The following PLA1A variants were observed in gnomAD, a reference collection of about 807,000 sequenced individuals.
PLA1A encodes the protein phospholipase A1 member A.
A neutral mutation model predicts 49.4 loss-of-function variants in PLA1A; 47 were observed. That is an observed-to-expected ratio of 0.95 (90% CI 0.75 to 1.21). The LOEUF is 1.21. PLA1A is among the 50% of genes most tolerant of loss of function. The pLI, the probability that PLA1A is intolerant of heterozygous loss-of-function variation, is 0.00. For synonymous variants in PLA1A, 224 were observed against 207.9 expected, an observed-to-expected ratio of 1.08 and a Z score of -0.67; for missense variants, 561 against 563.9, an observed-to-expected ratio of 0.99 and a Z score of 0.05.
At chr3:119,622,149 GGAAGAAGAAGAA>G (rs59447645) in intron 8 of PLA1A, among the ~76,000 whole-genome samples, 4,996 of 126,120 alleles carry the variant, frequency 0.04, 143 homozygotes, top group Non-Finnish European at 0.05. Context: ...AGGAGGAGGA[GGAAGAAGAAGAA>G]GAAGAAGAAG....
intron 4 of PLA1A, among the ~76,000 whole-genome samples, chr3:119,612,327 T>G (rs2082777492): frequency 6.6e-6 from 1 of 152,206 alleles, no homozygotes; most frequent in African/African-American, 2.4e-5. Flanking sequence ...GTATTCACAG[T>G]AATCACTGTG....
rs190030747 is a variant in PLA1A, at chr3:119,617,480, C to T, written c.755-539C>T. On this transcript the variant is annotated intron_variant, in intron 6 of 10. Coordinates refer to ENST00000273371, the MANE Select transcript of PLA1A (RefSeq NM_015900.4). ...TCTCAAGGCCAGGTACGGTGGCTCA[C>T]ACCTGTAATCTCAGCACTCTCGGAG... Among the ~76,000 whole-genome samples, 974 of 152,108 alleles carry T rather than the reference C, an allele frequency of 6.4e-3. 28 individuals are homozygous for T. Among genetic ancestry groups the T allele is most frequent in the Non-Finnish European group, 3.5e-3 (241 of 67,992 alleles).
In PLA1A at chr3:119,604,671, T is replaced by G. The variant is rs372818352; in HGVS notation, c.74-2103T>G. 9.2e-5 allele frequency among the ~76,000 whole-genome samples: 14 copies of G among 152,296 alleles called. No individual in the cohort carries two copies. In the East Asian group the frequency reaches 2.1e-3, roughly 23 times the overall value. On this transcript the variant is annotated intron_variant, in intron 1 of 10. Coordinates refer to ENST00000273371, the MANE Select transcript of PLA1A (RefSeq NM_015900.4). ...ATACATGTATTTATTACCACTGAAC[T>G]GTACACTTAAAAAAGGTAAAGATGA...
intron 8 of PLA1A, among the ~76,000 whole-genome samples, chr3:119,622,103 A>AAGAAGAAGG (rs1553794013): frequency 0.13 from 19,307 of 147,330 alleles, 1,588 homozygotes; most frequent in East Asian, 0.34. Context: ...GAAGAAGAAG[A>AAGAAGAAGG]AGAAGGAGAA....
At chr3:119,615,167 G>A (rs760945373) in intron 5 of PLA1A, among the ~76,000 whole-genome samples, 1 of 152,214 alleles carries the variant, frequency 6.6e-6, no homozygotes, top group African/African-American at 2.4e-5. Flanking sequence ...ATGACAGAAG[G>A]AGAAAGTCGG....
At chr3:119,628,062 C>T (rs2052568783) in intron 9 of PLA1A, among the ~76,000 whole-genome samples, 1 of 152,208 alleles carries the variant, frequency 6.6e-6, no homozygotes, top group South Asian at 2.1e-4. Flanking sequence ...CATTTTCACT[C>T]TGAGTCTCCT....
intron 9 of PLA1A, among the ~76,000 whole-genome samples, chr3:119,625,770 G>T (rs867886317): frequency 1.3e-5 from 2 of 152,164 alleles, no homozygotes; most frequent in Non-Finnish European, 2.9e-5. Flanking sequence ...GAAACTGGGG[G>T]TAGTCATTCC....
intron 9 of PLA1A, among the ~76,000 whole-genome samples, 163 bp downstream of exon 9, chr3:119,625,395 A>G (rs567138878): frequency 1.3e-4 from 20 of 152,320 alleles, no homozygotes; most frequent in African/African-American, 3.6e-4. Flanking sequence ...CCACAGACAC[A>G]TGCTGAGGAG....
At chr3:119,624,828 A>G (rs2052491684) in intron 8 of PLA1A, among the ~76,000 whole-genome samples, 1 of 152,178 alleles carries the variant, frequency 6.6e-6, no homozygotes, top group Non-Finnish European at 1.5e-5. Flanking sequence ...ATGGGGTTTC[A>G]CCATGTTGGT....
At chr3:119,618,871 T>A (rs990895273) in intron 7 of PLA1A, among the ~76,000 whole-genome samples, 5 of 152,306 alleles carry the variant, frequency 3.3e-5, no homozygotes, top group Admixed American at 1.3e-4. Context: ...CAGCAGCCTG[T>A]CACTGCTTAT....
At chr3:119,612,983 G>A (rs763293554) in intron 4 of PLA1A, 34 bp from the exon 5 acceptor site, 346 of 1,371,044 alleles carry the variant, frequency 2.5e-4, no homozygotes, top group Non-Finnish European at 3.3e-4. Context: ...CAGCTGAGAG[G>A]AAAGAGGTCC....
chr3:119,612,147 C>A (rs2692615), intron 4 of PLA1A, among the ~76,000 whole-genome samples: 34,361 of 151,956 alleles, frequency 0.23, 4,737 homozygotes, highest in East Asian at 0.46. Flanking sequence ...GGGTGAGAGC[C>A]CATGGGGATA....
Position 119,625,201 on chromosome 3 carries a change from A to G in PLA1A, c.1090A>G (p.Ser364Gly). 1 of 1,612,456 alleles carries G rather than the reference A, an allele frequency of 6.2e-7. No homozygotes were observed. The highest frequency in any genetic ancestry group is 8.5e-7 in the Non-Finnish European group (1 of 1,178,474). Residue 364 changes from serine to glycine, a missense_variant, in exon 9 of 11, where the codon AGT becomes GGT. Transcript: ENST00000273371. ...DTNIEVTFLSSNITSSSKITI... is the reference protein window; with the variant it reads ...DTNIEVTFLSGNITSSSKITI... ...CAACATCGAGGTTACCTTCCTTAGC[A>G]GTAACATCACCTCTTCATCTAAGAT...
chr3:119,620,062 C>T (rs1306887510), intron 8 of PLA1A: 2 of 458,968 alleles, frequency 4.4e-6, no homozygotes, highest in Admixed American at 2.3e-5. Context: ...CTCTGGTCTC[C>T]TTCCCCTTCA....
At chr3:119,602,672 C>T (rs1438079049) in intron 1 of PLA1A, among the ~76,000 whole-genome samples, 1 of 152,078 alleles carries the variant, frequency 6.6e-6, no homozygotes, top group Admixed American at 6.6e-5. Flanking sequence ...AAAATCCCTG[C>T]TTTGTTCAAA....
At position 119,609,451 on chromosome 3, in the gene PLA1A, T is replaced by A; in HGVS notation, c.454-17T>A. ...ACTCTGTGGCCCACGGGGAACTCAC[T>A]GTTCCTGCTCTTCTAGGTGCTGGGT... is the stretch of plus-strand genomic sequence containing the variant. On this transcript the variant is annotated splice_polypyrimidine_tract_variant and intron_variant, in intron 3 of 10. Transcript: ENST00000273371. 3 of 1,515,150 alleles carry A rather than the reference T, an allele frequency of 2.0e-6. No homozygotes were observed. The highest frequency in any genetic ancestry group is 2.8e-6 in the Non-Finnish European group (3 of 1,089,830). 93.9% of individuals were successfully genotyped at this position (1,515,150 alleles called of 1,614,324 possible).
At position 119,613,039 on chromosome 3, in the gene PLA1A, G is replaced by A; in HGVS notation, c.585G>A (p.Glu195=). The A allele has an allele frequency of 6.2e-7, 1 of 1,603,636 alleles. No individual in the cohort carries two copies. Among genetic ancestry groups the A allele is most frequent in the South Asian group, 1.1e-5 (1 of 88,860 alleles). ...QITGLDPAGP[E]YTRASVEERL... ...CAGGCCTGGACCCCGCTGGACCTGA[G>A]TACACCAGGGCCAGTGTGGAAGAGC... Residue 195 remains glutamate (E), a synonymous_variant, in exon 5 of 11, where the codon GAG becomes GAA. Coordinates refer to ENST00000273371, the MANE Select transcript of PLA1A (RefSeq NM_015900.4).
intron 1 of PLA1A, among the ~76,000 whole-genome samples, chr3:119,605,540 C>A (rs143041613): frequency 1.3e-5 from 2 of 152,236 alleles, no homozygotes; most frequent in African/African-American, 4.8e-5. Context: ...TCACACAAAC[C>A]GAAGTCTGCA....
rs2629399 is a variant in PLA1A at position 119,611,285 on chromosome 3, A to T, written c.562+1709A>T. Among the ~76,000 whole-genome samples the T allele has an allele frequency of 9.9e-3, 1,501 of 151,956 alleles. 34 individuals are homozygous for T. The highest frequency in any genetic ancestry group is 0.034 in the African/African-American group (1,424 of 41,414). ...AGCTTTATTCTTTTTGCTTAGGATTACCTTGGCTATTTGGGTTCTTTTTTT... is the reference window on the plus strand; with the variant it reads ...AGCTTTATTCTTTTTGCTTAGGATTTCCTTGGCTATTTGGGTTCTTTTTTT... On this transcript the variant is annotated intron_variant, in intron 4 of 10. Coordinates refer to ENST00000273371, the MANE Select transcript of PLA1A (RefSeq NM_015900.4).
Sources: gnomAD v4.1 joint callset for allele counts (sites outside exome capture counted in the v4.1 genomes callset) on GRCh38, gnomAD v4.1.1 for gene constraint, MANE v1.5 for transcripts, NCBI Gene and HGNC (gene_info 2026-07-23, HGNC 2026-07-21) for gene names.